IFT80: variants seen among roughly 807,000 people sequenced by gnomAD.
IFT80 encodes the protein intraflagellar transport 80.
IFT80 carries 79 observed loss-of-function variants against 107.9 expected under a neutral mutation model. That is an observed-to-expected ratio of 0.73 (90% CI 0.61 to 0.88). IFT80 has a LOEUF of 0.88. IFT80 is among the 40% of genes least tolerant of loss of function. The pLI, the probability that IFT80 is intolerant of heterozygous loss-of-function variation, is 0.00. For synonymous variants in IFT80, 299 were observed against 300.9 expected (o/e 0.99, Z 0.07); for missense variants, 797 against 914.2 (o/e 0.87, Z 1.65).
rs184668064 is a variant in IFT80 at position 160,335,083 on chromosome 3, C to A, written c.778-15144G>T. On this transcript the variant is annotated intron_variant, in intron 8 of 19. Transcript: ENST00000326448. ...CTTTCCATTCAAATCCAGGAACTAT[C>A]GGATTTCTACTTACCCTCACCAGTC... Among the ~76,000 whole-genome samples, 129 of 151,312 alleles carry A rather than the reference C, an allele frequency of 8.5e-4. 1 individual carries two copies. Among genetic ancestry groups the A allele is most frequent in the African/African-American group, 3.0e-3 (125 of 41,250 alleles).
At chr3:160,299,202 T>C (rs1177351346) in intron 12 of IFT80, 2 of 1,113,048 alleles carry the variant, frequency 1.8e-6, no homozygotes, top group East Asian at 1.3e-4. Flanking sequence ...TATTCCATTC[T>C]GTTTTCCTCT....
At position 160,357,534 on chromosome 3, in the gene IFT80, C is replaced by A; in HGVS notation, c.594G>T (p.Ser198=). 6.3e-7 allele frequency: 1 copy of A among 1,598,424 alleles called. No individual in the cohort carries two copies. The highest frequency in any genetic ancestry group is 8.6e-7 in the Non-Finnish European group (1 of 1,166,282). ...DGIILKVDWN[S]VNDLILSAGE... ...CAGCAGATAAAATAAGATCATTGAC[C>A]GAGTTCCAATCTACTTTTAAAATAA... The change falls in exon 7 of 20, where the codon TCG becomes TCT. Residue 198 remains serine, a synonymous_variant. Coordinates refer to ENST00000326448, the MANE Select transcript of IFT80 (RefSeq NM_020800.3).
At chr3:160,330,358 C>T (rs1719000220) in intron 8 of IFT80, among the ~76,000 whole-genome samples, 1 of 152,148 alleles carries the variant, frequency 6.6e-6, no homozygotes, top group African/African-American at 2.4e-5. Flanking sequence ...GGCTCTCTGA[C>T]AGTACCTTAC....
At chr3:160,378,540 A>T (rs1315838045) in intron 3 of IFT80, among the ~76,000 whole-genome samples, 6 of 151,990 alleles carry the variant, frequency 3.9e-5, no homozygotes, top group Non-Finnish European at 8.8e-5. Context: ...GTCTCTGTGG[A>T]AAATGGCTGA....
At chr3:160,381,747 T>A (rs976934352) in intron 2 of IFT80, 23 bp from the exon 3 acceptor site, 2 of 1,575,460 alleles carry the variant, frequency 1.3e-6, no homozygotes, top group African/African-American at 1.3e-5. Context: ...TAAAGAGACA[T>A]AAAACATACA....
chr3:160,304,683 C>A (rs564695623), intron 10 of IFT80, among the ~76,000 whole-genome samples: 1 of 152,094 alleles, frequency 6.6e-6, no homozygotes, highest in Non-Finnish European at 1.5e-5. Flanking sequence ...GATCCACCCG[C>A]CTCTGCCTCC....
chr3:160,268,802 T>C lies in IFT80; in HGVS notation c.2100-266A>G, dbSNP rs188912548. On this transcript the variant is annotated intron_variant, in intron 18 of 19. Transcript: ENST00000326448. ...CTATGCTTCATACCATTTATATATA[T>C]ACTATTATTACAGCACTCCTTATAG... 6 of 405,206 alleles carry C rather than the reference T, an allele frequency of 1.5e-5. No homozygotes were observed. The East Asian group carries it at 3.1e-4, about 21-fold the overall frequency. 25.1% of individuals were successfully genotyped at this position (405,206 alleles called of 1,614,324 possible). A position where few individuals can be genotyped will look rare whatever the true frequency, so the allele number is the denominator to read the frequency against.
intron 19 of IFT80, among the ~76,000 whole-genome samples, chr3:160,263,811 G>A (rs1055733120): frequency 2.0e-5 from 3 of 151,838 alleles, no homozygotes; most frequent in African/African-American, 7.3e-5. Flanking sequence ...CGAGTAGCTG[G>A]GACTACAGGT....
At chr3:160,335,410 C>T (rs1423182756) in intron 8 of IFT80, among the ~76,000 whole-genome samples, 6 of 151,746 alleles carry the variant, frequency 4.0e-5, no homozygotes, top group Admixed American at 2.0e-4. Flanking sequence ...TTAGTAGAGA[C>T]GGGGTTTTGC....
intron 1 of IFT80, among the ~76,000 whole-genome samples, chr3:160,398,231 A>G (rs188315104): frequency 9.5e-4 from 145 of 152,244 alleles, no homozygotes; most frequent in African/African-American, 3.1e-3. Context: ...AATTCTTACA[A>G]TTGGTTGGGA....
rs1217195969 is a variant in IFT80, at chr3:160,319,157, C to T, written c.957+603G>A. Among the ~76,000 whole-genome samples, 3 of 152,002 alleles carry T rather than the reference C, an allele frequency of 2.0e-5. No individual in the cohort carries two copies. The East Asian group carries it at 5.8e-4, about 29-fold the overall frequency. On this transcript the variant is annotated intron_variant, in intron 9 of 19. Coordinates refer to ENST00000326448, the MANE Select transcript of IFT80 (RefSeq NM_020800.3). ...AGGAAGGCTCCAGTGTCATGTAAAA[C>T]TTACATTAAATCAATTTATATGATT...
At chr3:160,333,431 T>C (rs1719227177) in intron 8 of IFT80, among the ~76,000 whole-genome samples, 3 of 152,230 alleles carry the variant, frequency 2.0e-5, no homozygotes, top group African/African-American at 7.2e-5. Context: ...ACTTTTTGAC[T>C]CTTGTAGTAA....
intron 9 of IFT80, among the ~76,000 whole-genome samples, chr3:160,317,691 GAA>G (rs1293963225): frequency 6.6e-6 from 1 of 151,940 alleles, no homozygotes; most frequent in East Asian, 1.9e-4. Context: ...CTTCTTAAAG[GAA>G]ACACAGAAGA....
At chr3:160,369,308 T>C (rs1190201885) in intron 5 of IFT80, among the ~76,000 whole-genome samples, 1 of 151,932 alleles carries the variant, frequency 6.6e-6, no homozygotes, top group African/African-American at 2.4e-5. Flanking sequence ...AAATTATTTA[T>C]TTATGATAAA....
intron 18 of IFT80, among the ~76,000 whole-genome samples, chr3:160,276,009 A>C (rs1463105313): frequency 6.6e-6 from 1 of 152,122 alleles, no homozygotes; most frequent in Non-Finnish European, 1.5e-5. Context: ...CTGGGATTAC[A>C]GGCGTGTGCC....
intron 9 of IFT80, among the ~76,000 whole-genome samples, chr3:160,315,839 A>T (rs1244773470): frequency 6.6e-6 from 1 of 152,036 alleles, no homozygotes; most frequent in East Asian, 1.9e-4. Context: ...TCTTTTTTTT[A>T]GAAAGGGGAT....
intron 1 of IFT80, among the ~76,000 whole-genome samples, chr3:160,398,057 T>A (rs908398780): frequency 6.6e-6 from 1 of 152,222 alleles, no homozygotes. Flanking sequence ...AATCCTTATA[T>A]CTTCTTGGTA....
In IFT80 at chr3:160,384,545, A is replaced by G. The variant is rs772561628; in HGVS notation, c.37+19T>C. 3.5e-6 allele frequency: 5 copies of G among 1,436,890 alleles called. No homozygotes were observed. The East Asian group carries it at 6.9e-5, about 20-fold the overall frequency. 89.0% of individuals were successfully genotyped at this position (1,436,890 alleles called of 1,614,324 possible). A position where few individuals can be genotyped will look rare whatever the true frequency, so the allele number is the denominator to read the frequency against. ...TAATTAAGAAAATCCAATAAGATTTATAAGCATTAAAAGGATATGCTTTGG... is the reference window on the plus strand; with the variant it reads ...TAATTAAGAAAATCCAATAAGATTTGTAAGCATTAAAAGGATATGCTTTGG... On this transcript the variant is annotated intron_variant, in intron 2 of 19. Coordinates refer to ENST00000326448, the MANE Select transcript of IFT80 (RefSeq NM_020800.3).
chr3:160,399,041 G>A (rs552894598), intron 1 of IFT80, 105 bp downstream of exon 1: 1 of 152,338 alleles, frequency 6.6e-6, no homozygotes, highest in South Asian at 2.1e-4. Context: ...GACAGAAAAT[G>A]ATGCTCCACG....
Sources: gnomAD v4.1 joint callset for allele counts (sites outside exome capture counted in the v4.1 genomes callset) on GRCh38, gnomAD v4.1.1 for gene constraint, MANE v1.5 for transcripts, NCBI Gene and HGNC (gene_info 2026-07-23, HGNC 2026-07-21) for gene names.